The following SCEL variants were observed in gnomAD, a reference collection of about 807,000 sequenced individuals.
SCEL encodes sciellin.
In SCEL, 113 loss-of-function variants were observed where a neutral mutation model predicts 117.6. That is an observed-to-expected ratio of 0.96 (90% CI 0.83 to 1.12). SCEL has a LOEUF of 1.12. Among genes scored for constraint, SCEL ranks in the 50% most tolerant of loss-of-function variants. SCEL has a pLI of 0.00. For missense variants in SCEL, 785 were observed against 810.8 expected, an observed-to-expected ratio of 0.97 and a Z score of 0.39; for synonymous variants, 270 against 256.2, an observed-to-expected ratio of 1.05 and a Z score of -0.51.
At chr13:77,616,269 G>A (rs1325380398) in intron 24 of SCEL, among the ~76,000 whole-genome samples, 1 of 151,648 alleles carries the variant, frequency 6.6e-6, no homozygotes, top group Non-Finnish European at 1.5e-5. Flanking sequence ...AACCAATATT[G>A]TGATTAATTT....
chr13:77,596,809 G>A (rs1437412352), intron 12 of SCEL, among the ~76,000 whole-genome samples: 2 of 151,968 alleles, frequency 1.3e-5, no homozygotes, highest in African/African-American at 4.8e-5. Context: ...GCACTGTGGT[G>A]AAACCCCCAC....
intron 9 of SCEL, among the ~76,000 whole-genome samples, chr13:77,587,996 A>G (rs2086658849): frequency 6.6e-6 from 1 of 152,178 alleles, no homozygotes; most frequent in African/African-American, 2.4e-5. Context: ...CACCTGACAG[A>G]GAGACCTTCC....
intron 22 of SCEL, among the ~76,000 whole-genome samples, chr13:77,610,500 CCAATG>C (rs1403255875): frequency 1.3e-5 from 2 of 150,920 alleles, no homozygotes; most frequent in African/African-American, 4.9e-5. Context: ...ATAGAGACAA[CCAATG>C]ATGGGACCCA....
chr13:77,568,005 G>A (rs1010214061), intron 6 of SCEL, among the ~76,000 whole-genome samples: 8 of 152,148 alleles, frequency 5.3e-5, no homozygotes, highest in Admixed American at 1.3e-4. Flanking sequence ...TGAAATAGGT[G>A]CAAATGCAAA....
At chr13:77,641,060 C>T (rs1312675331) in intron 31 of SCEL, among the ~76,000 whole-genome samples, 1 of 152,040 alleles carries the variant, frequency 6.6e-6, no homozygotes, top group Non-Finnish European at 1.5e-5. Flanking sequence ...CCCACTTGTT[C>T]TTTTTATAAA....
At chr13:77,573,515 TG>T (rs1174663480) in intron 9 of SCEL, among the ~76,000 whole-genome samples, 1 of 152,222 alleles carries the variant, frequency 6.6e-6, no homozygotes, top group Non-Finnish European at 1.5e-5. Flanking sequence ...TTCCAAGTAA[TG>T]GATATGTTTA....
chr13:77,588,753 G>A (rs1032015528), intron 9 of SCEL, among the ~76,000 whole-genome samples: 2 of 152,142 alleles, frequency 1.3e-5, no homozygotes, highest in Non-Finnish European at 2.9e-5. Context: ...CAGCCTGATA[G>A]TTGACATAAT....
In SCEL at chr13:77,593,259, A is replaced by AGTGT. The variant is rs4052543; in HGVS notation, c.693-220_693-217dup. Among the ~76,000 whole-genome samples the AGTGT allele has an allele frequency of 2.9e-3, 326 of 111,156 alleles. 2 individuals carry two copies. The highest frequency in any genetic ancestry group is 4.3e-3 in the Admixed American group (50 of 11,752). The allele number at this position is 111,156 out of a possible 152,430, so 72.9% of individuals were successfully genotyped here. On this transcript the variant is annotated intron_variant, in intron 11 of 32. Coordinates refer to ENST00000349847, the MANE Select transcript of SCEL (RefSeq NM_144777.3). ...ACACCCAGGTGGAATAACAGAGGGG[A>AGTGT]GTGTGTGTGTGTGTGTGTGTGTGTG...
At chr13:77,582,506 G>T (rs1032210945) in intron 9 of SCEL, among the ~76,000 whole-genome samples, 5 of 152,190 alleles carry the variant, frequency 3.3e-5, no homozygotes, top group Admixed American at 1.3e-4. Flanking sequence ...GGGATTACAG[G>T]TCTGAACCAT....
intron 27 of SCEL, among the ~76,000 whole-genome samples, chr13:77,625,246 A>G (rs1031008637): frequency 6.6e-6 from 1 of 152,246 alleles, no homozygotes; most frequent in Non-Finnish European, 1.5e-5. Context: ...GTAAAGTATT[A>G]CTTAAAACAT....
chr13:77,547,196 A>C lies in SCEL; in HGVS notation c.-19-8661A>C, dbSNP rs540729572. Reference sequence around the variant, plus strand: ...TGGAACATACCACACCCAGCCCCCCAAAAATTTAAGATAAATCTTAAACAT... The same window carrying C: ...TGGAACATACCACACCCAGCCCCCCCAAAATTTAAGATAAATCTTAAACAT... On this transcript the variant is annotated intron_variant, in intron 1 of 32. Coordinates refer to ENST00000349847, the MANE Select transcript of SCEL (RefSeq NM_144777.3). 7.2e-5 allele frequency among the ~76,000 whole-genome samples: 11 copies of C among 152,270 alleles called. No individual in the cohort carries two copies. The East Asian group carries it at 1.5e-3, about 21-fold the overall frequency.
intron 28 of SCEL, among the ~76,000 whole-genome samples, chr13:77,628,629 C>T (rs1320014446): frequency 1.3e-5 from 2 of 152,106 alleles, no homozygotes; most frequent in Non-Finnish European, 2.9e-5. Flanking sequence ...GCAATTCTTA[C>T]CCCTACATAT....
Position 77,637,135 on chromosome 13 carries a change from T to C in SCEL, c.1779T>C (p.Asp593=). 1 of 1,551,794 alleles carries C rather than the reference T, an allele frequency of 6.4e-7. No homozygotes were observed. The highest frequency in any genetic ancestry group is 8.7e-7 in the Non-Finnish European group (1 of 1,144,756). ...TTGTTCCTAGTAAATCACCCAAGGA[T>C]GGATATCAGGAGAATATCTCTGGAA... ...TYVENSKSPK[D]GYQENISGKY... Residue 593 remains aspartate (D), a synonymous_variant, in exon 30 of 33, where the codon GAT becomes GAC. Transcript: ENST00000349847.
intron 1 of SCEL, among the ~76,000 whole-genome samples, chr13:77,553,822 T>G (rs1022131704): frequency 6.6e-6 from 1 of 152,072 alleles, no homozygotes; most frequent in African/African-American, 2.4e-5. Context: ...TTGAACCTCA[T>G]AATGTTCCTA....
chr13:77,551,699 T>TG (rs1432294325), intron 1 of SCEL, among the ~76,000 whole-genome samples: 2 of 152,104 alleles, frequency 1.3e-5, no homozygotes, highest in Non-Finnish European at 2.9e-5. Flanking sequence ...TTTGTTTGTT[T>TG]TATTATTATT....
At chr13:77,558,336 C>T (rs1046467898) in intron 3 of SCEL, among the ~76,000 whole-genome samples, 2 of 152,088 alleles carry the variant, frequency 1.3e-5, no homozygotes, top group Non-Finnish European at 2.9e-5. Context: ...TGTTATAATT[C>T]CGCCTCAGAT....
At chr13:77,609,184 C>A in intron 21 of SCEL, 67 bp downstream of exon 21, 2 of 1,215,800 alleles carry the variant, frequency 1.6e-6, no homozygotes, top group Non-Finnish European at 2.3e-6. Flanking sequence ...ATTAAAGCAT[C>A]ATTTCAGCTG....
At chr13:77,619,274 A>G (rs1297574106) in intron 27 of SCEL, among the ~76,000 whole-genome samples, 1 of 152,184 alleles carries the variant, frequency 6.6e-6, no homozygotes, top group Non-Finnish European at 1.5e-5. Flanking sequence ...TTACTTCTTC[A>G]GCACCCAGGA....
chr13:77,625,118 C>T (rs1208801551), intron 27 of SCEL, among the ~76,000 whole-genome samples: 4 of 152,170 alleles, frequency 2.6e-5, no homozygotes, highest in Admixed American at 2.6e-4. Flanking sequence ...GTCACACCTC[C>T]TGATGATCTT....
Sources: gnomAD v4.1 joint callset for allele counts (sites outside exome capture counted in the v4.1 genomes callset) on GRCh38, gnomAD v4.1.1 for gene constraint, MANE v1.5 for transcripts, NCBI Gene and HGNC (gene_info 2026-07-23, HGNC 2026-07-21) for gene names.